The following DOK6 variants were observed in gnomAD, a reference collection of about 807,000 sequenced individuals.
The protein encoded by DOK6 is docking protein 6.
Under a neutral mutation model 44.0 loss-of-function variants are expected in DOK6, and 22 were observed. That is an observed-to-expected ratio of 0.50 (90% CI 0.36 to 0.71). The LOEUF (loss-of-function observed/expected upper bound fraction) is 0.71, where lower values mean the gene tolerates loss of function less well. DOK6 is among the 30% of genes least tolerant of loss of function. The pLI is 0.00. For missense variants in DOK6, 340 were observed against 416.4 expected, an observed-to-expected ratio of 0.82 and a Z score of 1.60; for synonymous variants, 166 against 145.5, an observed-to-expected ratio of 1.14 and a Z score of -1.01.
At chr18:69,636,991 T>A (rs1469159977) in intron 3 of DOK6, among the ~76,000 whole-genome samples, 1 of 152,164 alleles carries the variant, frequency 6.6e-6, no homozygotes, top group East Asian at 1.9e-4. Flanking sequence ...ATAGATGCCT[T>A]AAAGGAACTT....
chr18:69,518,229 T>C (rs1320434833), intron 1 of DOK6, among the ~76,000 whole-genome samples: 1 of 152,150 alleles, frequency 6.6e-6, no homozygotes, highest in Non-Finnish European at 1.5e-5. Flanking sequence ...GGTAAAATTG[T>C]AAAGACCTGA....
chr18:69,652,197 T>C (rs1985247529), intron 3 of DOK6, among the ~76,000 whole-genome samples: 1 of 152,236 alleles, frequency 6.6e-6, no homozygotes, highest in South Asian at 2.1e-4. Flanking sequence ...AGGATTAGGA[T>C]GACAAGTGAA....
At chr18:69,613,625 A>T (rs1230054834) in intron 3 of DOK6, among the ~76,000 whole-genome samples, 2 of 152,140 alleles carry the variant, frequency 1.3e-5, no homozygotes, top group Admixed American at 1.3e-4. Context: ...AATTTCTCTT[A>T]TAAAAAAAAT....
Position 69,401,194 on chromosome 18 carries a change from C to T in DOK6, c.-51C>T. 6.6e-7 allele frequency: 1 copy of T among 1,505,274 alleles called. No individual in the cohort carries two copies. The highest frequency in any genetic ancestry group is 8.9e-7 in the Non-Finnish European group (1 of 1,126,786). 93.2% of individuals were successfully genotyped at this position (1,505,274 alleles called of 1,614,324 possible). ...GCAGACCCGGCGGCGGACGGCGGCT[C>T]TCGACTCCGGAGAGCGGATCGCGGG... On this transcript the variant is annotated 5_prime_UTR_variant, in exon 1 of 8. Transcript: ENST00000382713.
At chr18:69,563,639 T>G (rs1270810760) in intron 1 of DOK6, among the ~76,000 whole-genome samples, 1 of 96,506 alleles carries the variant, frequency 1.0e-5, no homozygotes. Flanking sequence ...CATCACACAC[T>G]GGGGCCTGTT....
At chr18:69,672,399 C>T (rs1985818880) in intron 3 of DOK6, among the ~76,000 whole-genome samples, 1 of 152,140 alleles carries the variant, frequency 6.6e-6, no homozygotes, top group East Asian at 1.9e-4. Flanking sequence ...GCTCTTGTTG[C>T]CCAGGCTGGA....
At chr18:69,608,717 C>T (rs80183619) in intron 3 of DOK6, among the ~76,000 whole-genome samples, 22,059 of 151,614 alleles carry the variant, frequency 0.15, 1,805 homozygotes, top group East Asian at 0.38. Context: ...TTTGGGAGGC[C>T]GAGGCGGGTG....
intron 3 of DOK6, among the ~76,000 whole-genome samples, chr18:69,639,666 A>G (rs964056662): frequency 2.6e-5 from 4 of 152,170 alleles, no homozygotes; most frequent in African/African-American, 9.7e-5. Context: ...TAACAAAAGC[A>G]TGGCATCGAA....
In DOK6 at chr18:69,841,853, CA is replaced by C. The variant is rs1200273244; in HGVS notation, c.*473del. The C allele has an allele frequency of 6.3e-6, 1 of 158,206 alleles. No individual in the cohort carries two copies. Among genetic ancestry groups the C allele is most frequent in the East Asian group, 1.8e-4 (1 of 5,572 alleles). The allele number at this position is 158,206 out of a possible 1,614,324, so 9.8% of individuals were successfully genotyped here. A position where few individuals can be genotyped will look rare whatever the true frequency, so the allele number is the denominator to read the frequency against. ...ACAGGGATAAATACAGTAAGCTCTG[CA>C]AATGACATCGTAGCTGCATATAAAT... On this transcript the variant is annotated 3_prime_UTR_variant, in exon 8 of 8. Coordinates refer to ENST00000382713, the MANE Select transcript of DOK6 (RefSeq NM_152721.6).
At position 69,424,273 on chromosome 18, in the gene DOK6, A is replaced by T. The variant is rs113627781; in HGVS notation, c.66+22963A>T. 1.1e-3 allele frequency among the ~76,000 whole-genome samples: 163 copies of T among 152,294 alleles called. 1 individual carries two copies. The highest frequency in any genetic ancestry group is 3.7e-3 in the African/African-American group (153 of 41,554). ...CAAATGCAGCCAAGTAAATTCCAGA[A>T]CCTTTTGCTCTACCTTCTCAGCAAC... On this transcript the variant is annotated intron_variant, in intron 1 of 7. Transcript: ENST00000382713.
chr18:69,459,080 A>T (rs1979709905), intron 1 of DOK6, among the ~76,000 whole-genome samples: 1 of 141,924 alleles, frequency 7.0e-6, no homozygotes. Flanking sequence ...TGGGTGACAG[A>T]GCGAGACTCC....
chr18:69,454,704 A>T (rs1029326815), intron 1 of DOK6, among the ~76,000 whole-genome samples: 1 of 130,224 alleles, frequency 7.7e-6, no homozygotes, highest in Non-Finnish European at 1.7e-5. Flanking sequence ...TGTGGCACAT[A>T]TACACCATGG....
chr18:69,843,604 A>G lies in DOK6; in HGVS notation c.*2221A>G, dbSNP rs1042156108. On this transcript the variant is annotated 3_prime_UTR_variant, in exon 8 of 8. Coordinates refer to ENST00000382713, the MANE Select transcript of DOK6 (RefSeq NM_152721.6). Reference sequence around the variant, plus strand: ...AGGGAGGGATTCTGCTAATCAGATGAGTCTGCTCTTGTGTCTCTTTCTTAG... The same window carrying G: ...AGGGAGGGATTCTGCTAATCAGATGGGTCTGCTCTTGTGTCTCTTTCTTAG... 3 of 152,196 alleles carry G rather than the reference A, an allele frequency of 2.0e-5. No individual in the cohort carries two copies. Among genetic ancestry groups the G allele is most frequent in the Admixed American group, 6.5e-5 (1 of 15,278 alleles). 9.4% of individuals were successfully genotyped at this position (152,196 alleles called of 1,614,324 possible).
At position 69,848,722 on chromosome 18, in the gene DOK6, AAT is replaced by A. The variant is rs1326109979; in HGVS notation, c.*7340_*7341del. On this transcript the variant is annotated 3_prime_UTR_variant, in exon 8 of 8. Coordinates refer to ENST00000382713, the MANE Select transcript of DOK6 (RefSeq NM_152721.6). ...ATCAATAAATAAACCTATTGTTAACAATGTCTTATTCATAATTCTAAAAAATT... is the reference window on the plus strand; with the variant it reads ...ATCAATAAATAAACCTATTGTTAACAGTCTTATTCATAATTCTAAAAAATT... 6.6e-6 allele frequency: 1 copy of A among 152,220 alleles called. No individual in the cohort carries two copies. The highest frequency in any genetic ancestry group is 1.5e-5 in the Non-Finnish European group (1 of 68,024). 9.4% of individuals were successfully genotyped at this position (152,220 alleles called of 1,614,324 possible).
chr18:69,485,805 T>A (rs1980559362), intron 1 of DOK6, among the ~76,000 whole-genome samples: 1 of 152,054 alleles, frequency 6.6e-6, no homozygotes, highest in Non-Finnish European at 1.5e-5. Context: ...GAATTTTCTG[T>A]CTCATTGCAG....
At chr18:69,484,703 G>A (rs1004719225) in intron 1 of DOK6, among the ~76,000 whole-genome samples, 2 of 152,040 alleles carry the variant, frequency 1.3e-5, no homozygotes, top group Admixed American at 6.6e-5. Context: ...TTGAACTCAC[G>A]GCCAGCAGCA....
At chr18:69,790,846 C>T (rs960891624) in intron 7 of DOK6, among the ~76,000 whole-genome samples, 3 of 151,946 alleles carry the variant, frequency 2.0e-5, no homozygotes, top group African/African-American at 7.3e-5. Flanking sequence ...TTGACTGTGG[C>T]CATCCTGTTG....
rs144223152 is a variant in DOK6, at chr18:69,793,339, A to G, written c.856+35466A>G. Among the ~76,000 whole-genome samples, 10 of 152,304 alleles carry G rather than the reference A, an allele frequency of 6.6e-5. No individual in the cohort carries two copies. In the East Asian group the frequency reaches 1.9e-3, roughly 29 times the overall value. ...ACTGTCCTAGGCATATACTGTTTTT[A>G]CCTATCTCCAAGGAACTTGTGTCCA... On this transcript the variant is annotated intron_variant, in intron 7 of 7. Coordinates refer to ENST00000382713, the MANE Select transcript of DOK6 (RefSeq NM_152721.6).
intron 3 of DOK6, among the ~76,000 whole-genome samples, chr18:69,604,937 A>G (rs762496312): frequency 6.6e-6 from 1 of 152,160 alleles, no homozygotes; most frequent in Non-Finnish European, 1.5e-5. Context: ...GCAGTGGTGA[A>G]GTCTGAAGAA....
Sources: gnomAD v4.1 joint callset for allele counts (sites outside exome capture counted in the v4.1 genomes callset) on GRCh38, gnomAD v4.1.1 for gene constraint, MANE v1.5 for transcripts, NCBI Gene and HGNC (gene_info 2026-07-23, HGNC 2026-07-21) for gene names.